The following RLF variants were observed in gnomAD, a reference collection of about 807,000 sequenced individuals.
RLF encodes zinc finger protein Rlf.
A neutral mutation model predicts 162.9 loss-of-function variants in RLF; 7 were observed. That is an observed-to-expected ratio of 0.04 (90% CI 0.02 to 0.08). The LOEUF (loss-of-function observed/expected upper bound fraction) is 0.08, where lower values mean the gene tolerates loss of function less well. Among genes scored for constraint, RLF ranks in the 10% least tolerant of loss-of-function variants. The pLI, the probability that RLF is intolerant of heterozygous loss-of-function variation, is 1.00. For missense variants in RLF, 1,664 were observed against 2,244.7 expected, an observed-to-expected ratio of 0.74 and a Z score of 5.23; for synonymous variants, 782 against 791.5, an observed-to-expected ratio of 0.99 and a Z score of 0.20.
intron 4 of RLF, among the ~76,000 whole-genome samples, chr1:40,196,963 CTGTT>C: frequency 6.6e-6 from 1 of 152,226 alleles, no homozygotes. Flanking sequence ...GGATTACACT[CTGTT>C]AAGTACATTT....
chr1:40,193,075 T>C (rs1642581644), intron 3 of RLF, among the ~76,000 whole-genome samples: 1 of 144,844 alleles, frequency 6.9e-6, no homozygotes, highest in African/African-American at 2.6e-5. Context: ...TGCTATTTAC[T>C]GTAAATGGTG....
intron 5 of RLF, among the ~76,000 whole-genome samples, chr1:40,207,374 T>A (rs1289855525): frequency 6.6e-6 from 1 of 152,244 alleles, no homozygotes; most frequent in Non-Finnish European, 1.5e-5. Flanking sequence ...TTTAAAATTG[T>A]GATTTTATAT....
chr1:40,162,692 T>C (rs11577388), intron 1 of RLF, among the ~76,000 whole-genome samples: 7,877 of 152,282 alleles, frequency 0.052, 276 homozygotes, highest in Non-Finnish European at 0.081. Context: ...TTGCTTTTCT[T>C]CCCTCTCTCT....
chr1:40,166,628 G>A (rs1052182787), intron 1 of RLF, among the ~76,000 whole-genome samples: 2 of 151,954 alleles, frequency 1.3e-5, no homozygotes, highest in African/African-American at 4.8e-5. Context: ...TGATAGACTG[G>A]ATTAAGAAAA....
In RLF at chr1:40,240,603, G is replaced by A; in HGVS notation, c.*156G>A. 2 of 601,522 alleles carry A rather than the reference G, an allele frequency of 3.3e-6. No homozygotes were observed. Among genetic ancestry groups the A allele is most frequent in the Non-Finnish European group, 5.9e-6 (2 of 340,460 alleles). 37.3% of individuals were successfully genotyped at this position (601,522 alleles called of 1,614,324 possible). ...TATAATATCTATGTCAGCAGTATTG[G>A]CTGAGTCCATTAGCTCTCCAGTTGG... is the stretch of plus-strand genomic sequence containing the variant. On this transcript the variant is annotated 3_prime_UTR_variant, in exon 8 of 8. Coordinates refer to ENST00000372771, the MANE Select transcript of RLF (RefSeq NM_012421.4).
At chr1:40,211,549 A>G (rs191029113) in intron 5 of RLF, among the ~76,000 whole-genome samples, 1 of 152,370 alleles carries the variant, frequency 6.6e-6, no homozygotes, top group African/African-American at 2.4e-5. Context: ...TTTAGTACAC[A>G]TAAAGTTATC....
At chr1:40,190,719 CTACTT>C in intron 2 of RLF, 48 bp from the exon 3 acceptor site, 4 of 1,137,114 alleles carry the variant, frequency 3.5e-6, no homozygotes, top group Non-Finnish European at 5.3e-6. Context: ...CTGTCATACT[CTACTT>C]AATTATTACT....
rs143112761 is a variant in RLF at position 40,236,343 on chromosome 1, T to C, written c.1641T>C (p.Tyr547=). ...DKKPIGSSER[Y]QRWLQYKFFC... is the part of the protein sequence containing the mutation. ...AACCTATTGGCTCTTCTGAAAGATA[T>C]CAGAGGTGGCTTCAGTACAAGTTTT... The change falls in exon 8 of 8, where the codon TAT becomes TAC. Residue 547 remains tyrosine (Y), a synonymous_variant. Transcript: ENST00000372771. This position sits in a 1 kb window ranked among gnomAD's most constrained non-coding sequence, Gnocchi z 7.7. 1.1e-5 allele frequency: 17 copies of C among 1,613,856 alleles called. No individual in the cohort carries two copies. The highest frequency in any genetic ancestry group is 9.3e-5 in the African/African-American group (7 of 74,882).
intron 5 of RLF, among the ~76,000 whole-genome samples, chr1:40,208,687 A>G (rs1197431185): frequency 8.4e-6 from 1 of 119,202 alleles, no homozygotes; most frequent in Non-Finnish European, 1.7e-5. Context: ...GCGTGGTGGC[A>G]TGTGCCGTAG....
At chr1:40,202,106 TGA>T (rs1180399391) in intron 4 of RLF, among the ~76,000 whole-genome samples, 1 of 152,160 alleles carries the variant, frequency 6.6e-6, no homozygotes, top group East Asian at 1.9e-4. Context: ...GAAGAATAAA[TGA>T]GAGGTATATA....
At chr1:40,184,873 C>CT (rs1303166066) in intron 1 of RLF, among the ~76,000 whole-genome samples, 4 of 152,068 alleles carry the variant, frequency 2.6e-5, no homozygotes, top group Admixed American at 1.3e-4. Context: ...GTAGAATGAA[C>CT]TTTAGGAGGT....
At chr1:40,172,600 C>T (rs1170640426) in intron 1 of RLF, among the ~76,000 whole-genome samples, 1 of 152,138 alleles carries the variant, frequency 6.6e-6, no homozygotes, top group Non-Finnish European at 1.5e-5. Flanking sequence ...GCCTGGCCAA[C>T]ATGGTGAAAC....
chr1:40,231,154 T>G (rs559556662), intron 6 of RLF, among the ~76,000 whole-genome samples: 2 of 152,354 alleles, frequency 1.3e-5, no homozygotes, highest in African/African-American at 4.8e-5. Context: ...GATGGCTGAT[T>G]ATTTCTGCCC....
chr1:40,212,621 G>C (rs1490393169), intron 5 of RLF, among the ~76,000 whole-genome samples: 1 of 152,162 alleles, frequency 6.6e-6, no homozygotes, highest in East Asian at 1.9e-4. Context: ...CAGAGTTCTT[G>C]GCGCAGTTAA....
At chr1:40,188,716 T>G (rs1424724073) in intron 1 of RLF, among the ~76,000 whole-genome samples, 5 of 152,196 alleles carry the variant, frequency 3.3e-5, no homozygotes, top group Non-Finnish European at 1.5e-5. Flanking sequence ...AGTCTTATTC[T>G]TATGTACCCA....
chr1:40,201,030 CAA>C (rs1642708963), intron 4 of RLF, among the ~76,000 whole-genome samples: 1 of 95,186 alleles, frequency 1.1e-5, no homozygotes, highest in African/African-American at 4.0e-5. Flanking sequence ...TCTACACACA[CAA>C]ACACACACAC....
At chr1:40,190,026 C>T (rs1557744159) in intron 2 of RLF, among the ~76,000 whole-genome samples, 1 of 152,006 alleles carries the variant, frequency 6.6e-6, no homozygotes. Flanking sequence ...ACCTGTTTTC[C>T]TTCCTATTTT....
In RLF at chr1:40,238,597, C is replaced by A. The variant is rs1345318167; in HGVS notation, c.3895C>A (p.Leu1299Met). 15 of 1,613,698 alleles carry A rather than the reference C, an allele frequency of 9.3e-6. No individual in the cohort carries two copies. The East Asian group carries it at 2.7e-4, about 29-fold the overall frequency. ...GSRRTVAKGN[L>M]CYILNKYHKP... ...CAGGCGAACTGTTGCTAAAGGAAAT[C>A]TGTGTTATATTTTGAATAAATACCA... Residue 1299 changes from leucine to methionine, a missense_variant, in exon 8 of 8, where the codon CTG becomes ATG. Leu to Met is a conservative substitution (Grantham distance 15, BLOSUM62 2). Around this residue, in one of 15 missense-constraint regions of RLF, gnomAD observed 33 missense variants for 73.3 expected, o/e 0.45. Coordinates refer to ENST00000372771, the MANE Select transcript of RLF (RefSeq NM_012421.4). This position sits in a 1 kb window ranked among gnomAD's most constrained non-coding sequence, Gnocchi z 5.2.
intron 1 of RLF, among the ~76,000 whole-genome samples, chr1:40,187,628 T>C (rs970068355): frequency 6.6e-6 from 1 of 152,192 alleles, no homozygotes; most frequent in Non-Finnish European, 1.5e-5. Flanking sequence ...AAAGATCAGA[T>C]AATGCAATAT....
Sources: allele counts gnomAD v4.1 joint callset (sites outside exome capture counted in the v4.1 genomes callset), GRCh38; gene constraint gnomAD v4.1.1; regional missense constraint gnomAD v4.1.1; non-coding constraint Gnocchi (gnomAD v3.1); transcripts MANE v1.5; gene names NCBI Gene and HGNC (gene_info 2026-07-23, HGNC 2026-07-21).